Variants in SEZ6L observed in about 807,000 individuals in gnomAD.
SEZ6L encodes seizure 6-like protein.
SEZ6L carries 37 observed loss-of-function variants against 106.2 expected under a neutral mutation model. That is an observed-to-expected ratio of 0.35 (90% confidence interval 0.27 to 0.46). SEZ6L has a LOEUF of 0.46. Ranked by LOEUF, SEZ6L falls within the 20% of genes least tolerant of loss-of-function variation. The probability of loss-of-function intolerance (pLI) is 1.00; values close to 1 mark genes in which losing one functional copy is unlikely to be tolerated. For missense variants in SEZ6L, 1,172 were observed against 1,332.8 expected, an observed-to-expected ratio of 0.88 and a Z score of 1.88; for synonymous variants, 541 against 570.4, an observed-to-expected ratio of 0.95 and a Z score of 0.73.
rs1294842648 is a variant in SEZ6L at position 26,347,801 on chromosome 22, G to A, written c.2295G>A (p.Arg765=). 3.7e-6 allele frequency: 6 copies of A among 1,608,706 alleles called. No individual in the cohort carries two copies. Among genetic ancestry groups the A allele is most frequent in the Non-Finnish European group, 4.2e-6 (5 of 1,178,104 alleles). ...CCACTTCTCACACGGAGTTGGTGCG[G>A]GGAGCCAGAATCACCTACCAGTGTG... ...WKTTSHTELV[R]GARITYQCDP... is the part of the protein sequence containing the mutation. The change falls in exon 11 of 17, where the codon CGG becomes CGA. Residue 765 remains arginine (R), a synonymous_variant. Coordinates refer to ENST00000248933, the MANE Select transcript of SEZ6L (RefSeq NM_021115.5).
intron 1 of SEZ6L, among the ~76,000 whole-genome samples, chr22:26,229,273 A>AG (rs1405987567): frequency 6.6e-6 from 1 of 152,194 alleles, no homozygotes; most frequent in Admixed American, 6.5e-5. Flanking sequence ...CTGGGATTAC[A>AG]GGTGTGAGCC....
chr22:26,331,280 ACT>A (rs1420796547), intron 9 of SEZ6L, among the ~76,000 whole-genome samples: 1 of 151,860 alleles, frequency 6.6e-6, no homozygotes, highest in Non-Finnish European at 1.5e-5. Flanking sequence ...CACCTCTTCC[ACT>A]CTCTAGACCC....
At chr22:26,369,485 C>T (rs370345946) in intron 13 of SEZ6L, among the ~76,000 whole-genome samples, 3 of 151,384 alleles carry the variant, frequency 2.0e-5, no homozygotes, top group African/African-American at 7.3e-5. Context: ...GGACTACAGG[C>T]GCCCGCCACC....
At chr22:26,337,805 T>C (rs1413467501) in intron 9 of SEZ6L, among the ~76,000 whole-genome samples, 1 of 152,128 alleles carries the variant, frequency 6.6e-6, no homozygotes, top group Admixed American at 6.5e-5. Flanking sequence ...GGGAAACTGG[T>C]GAAAATTATG....
At chr22:26,376,266 A>G (rs1445193438) in intron 15 of SEZ6L, among the ~76,000 whole-genome samples, 2 of 152,202 alleles carry the variant, frequency 1.3e-5, no homozygotes, top group African/African-American at 4.8e-5. Flanking sequence ...ACAAGGAAAG[A>G]TAGACAATAA....
intron 1 of SEZ6L, among the ~76,000 whole-genome samples, chr22:26,267,345 G>T (rs1192743163): frequency 6.6e-6 from 1 of 152,200 alleles, no homozygotes; most frequent in East Asian, 1.9e-4. Flanking sequence ...CAAAACACAG[G>T]AAAGTATCCA....
chr22:26,173,183 G>A (rs1209688610), intron 1 of SEZ6L, among the ~76,000 whole-genome samples: 1 of 152,222 alleles, frequency 6.6e-6, no homozygotes, highest in African/African-American at 2.4e-5. Context: ...TGTAAAAGCA[G>A]CTGGCACGGA....
chr22:26,365,323 C>T, intron 12 of SEZ6L, 49 bp from the exon 13 acceptor site: 1 of 1,546,032 alleles, frequency 6.5e-7, no homozygotes, highest in Non-Finnish European at 8.8e-7. Flanking sequence ...GCAGGACTCC[C>T]CAAAGATTTG....
intron 1 of SEZ6L, among the ~76,000 whole-genome samples, chr22:26,232,350 A>ACACACC (rs2078826159): frequency 3.1e-5 from 1 of 31,840 alleles, no homozygotes; most frequent in Admixed American, 3.3e-4. Flanking sequence ...TGTCTTTCAC[A>ACACACC]CACACACACA....
At chr22:26,287,027 T>A (rs1385922164) in intron 1 of SEZ6L, among the ~76,000 whole-genome samples, 1 of 150,852 alleles carries the variant, frequency 6.6e-6, no homozygotes, top group East Asian at 2.0e-4. Flanking sequence ...GGATTACAGG[T>A]GTGATCCACC....
intron 1 of SEZ6L, among the ~76,000 whole-genome samples, chr22:26,173,326 A>C (rs887539799): frequency 6.6e-6 from 1 of 152,240 alleles, no homozygotes; most frequent in African/African-American, 2.4e-5. Context: ...TATTGGGATA[A>C]TTCAGGCTAA....
chr22:26,240,067 G>GACACAC (rs67141647), intron 1 of SEZ6L, among the ~76,000 whole-genome samples: 2,436 of 135,982 alleles, frequency 0.018, 78 homozygotes, highest in African/African-American at 0.071. Context: ...CACACATACA[G>GACACAC]ACACACACAC....
chr22:26,358,331 A>G (rs1210664162), intron 12 of SEZ6L, among the ~76,000 whole-genome samples: 5 of 152,222 alleles, frequency 3.3e-5, no homozygotes, highest in Admixed American at 3.3e-4. Flanking sequence ...ATGACTTTAT[A>G]CAAGCCAGCT....
chr22:26,295,730 T>G (rs2081282395), intron 3 of SEZ6L, among the ~76,000 whole-genome samples: 2 of 152,184 alleles, frequency 1.3e-5, no homozygotes. Flanking sequence ...GCAATTAGAA[T>G]GCACCAGGCA....
chr22:26,238,607 G>A (rs558917951), intron 1 of SEZ6L, among the ~76,000 whole-genome samples: 1 of 152,298 alleles, frequency 6.6e-6, no homozygotes, highest in East Asian at 1.9e-4. Context: ...AGCAATAATA[G>A]CAAAAATAGT....
At chr22:26,344,318 G>A (rs1224267154) in intron 10 of SEZ6L, among the ~76,000 whole-genome samples, 1 of 152,208 alleles carries the variant, frequency 6.6e-6, no homozygotes, top group South Asian at 2.1e-4. Context: ...CACTGTCTAT[G>A]GCCAAAGGCA....
At chr22:26,209,020 C>G (rs1941461271) in intron 1 of SEZ6L, among the ~76,000 whole-genome samples, 1 of 151,738 alleles carries the variant, frequency 6.6e-6, no homozygotes. Context: ...TTTACACTTT[C>G]CTCTGTCATC....
At chr22:26,339,361 ATC>A (rs1324307155) in intron 9 of SEZ6L, among the ~76,000 whole-genome samples, 3 of 152,232 alleles carry the variant, frequency 2.0e-5, no homozygotes, top group Non-Finnish European at 4.4e-5. Context: ...GTGAGTTTGT[ATC>A]TGTCCATGAT....
chr22:26,218,040 C>A (rs1364541903), intron 1 of SEZ6L, among the ~76,000 whole-genome samples: 1 of 152,170 alleles, frequency 6.6e-6, no homozygotes, highest in Non-Finnish European at 1.5e-5. Context: ...CACTTCCTGC[C>A]GTTGATAAAC....
Sources: allele counts gnomAD v4.1 joint callset (sites outside exome capture counted in the v4.1 genomes callset), GRCh38; gene constraint gnomAD v4.1.1; transcripts MANE v1.5; gene names NCBI Gene and HGNC (gene_info 2026-07-23, HGNC 2026-07-21).